Variants in ARHGAP24 observed in about 807,000 individuals in gnomAD.
ARHGAP24 encodes the protein rho GTPase-activating protein 24.
Under a neutral mutation model 76.4 loss-of-function variants are expected in ARHGAP24, and 50 were observed. The observed-to-expected ratio is 0.65, with a 90% CI of 0.52 to 0.83. ARHGAP24 has a LOEUF of 0.83. Ranked by LOEUF, ARHGAP24 falls within the 40% of genes least tolerant of loss-of-function variation. ARHGAP24 has a pLI of 0.00. For missense variants in ARHGAP24, 930 were observed against 914.2 expected (o/e 1.02, Z -0.22); for synonymous variants, 345 against 323.3 (o/e 1.07, Z -0.72).
intron 8 of ARHGAP24, among the ~76,000 whole-genome samples, chr4:85,978,265 G>A (rs1739451000): frequency 6.6e-6 from 1 of 152,124 alleles, no homozygotes; most frequent in African/African-American, 2.4e-5. Flanking sequence ...CTACAAACTG[G>A]ACTAATTTAT....
chr4:85,853,981 C>A (rs544908576), intron 3 of ARHGAP24, among the ~76,000 whole-genome samples: 9 of 128,474 alleles, frequency 7.0e-5, no homozygotes, highest in African/African-American at 2.3e-4. Flanking sequence ...AAAAAAAAAC[C>A]CCAATTAGCC....
chr4:85,607,436 G>GA (rs1720235005), intron 2 of ARHGAP24, among the ~76,000 whole-genome samples: 1 of 151,716 alleles, frequency 6.6e-6, no homozygotes, highest in Non-Finnish European at 1.5e-5. Context: ...GAAAGAGAAA[G>GA]AAAACCACAA....
chr4:85,848,261 G>A (rs1035855288), intron 3 of ARHGAP24, among the ~76,000 whole-genome samples: 7 of 152,094 alleles, frequency 4.6e-5, no homozygotes, highest in African/African-American at 1.7e-4. Context: ...ATATACATGT[G>A]CCATGTTGGT....
chr4:85,573,591 T>C (rs898203124), intron 2 of ARHGAP24, among the ~76,000 whole-genome samples: 4 of 152,232 alleles, frequency 2.6e-5, no homozygotes, highest in Non-Finnish European at 5.9e-5. Flanking sequence ...CCACATTAAA[T>C]AAGACCTGCA....
chr4:85,740,089 G>GGTTTT (rs1413154875), intron 3 of ARHGAP24, among the ~76,000 whole-genome samples: 2 of 152,008 alleles, frequency 1.3e-5, no homozygotes, highest in East Asian at 3.9e-4. Flanking sequence ...CATGCCTTTG[G>GGTTTT]GTTTTGTTTT....
At chr4:85,534,145 T>G (rs1725375346) in intron 1 of ARHGAP24, among the ~76,000 whole-genome samples, 1 of 152,292 alleles carries the variant, frequency 6.6e-6, no homozygotes, top group African/African-American at 2.4e-5. Context: ...TGGCTAAGTT[T>G]ACATCTCTAT....
At chr4:85,925,690 G>A (rs114432428) in intron 4 of ARHGAP24, among the ~76,000 whole-genome samples, 2,268 of 152,204 alleles carry the variant, frequency 0.015, 61 homozygotes, top group African/African-American at 0.051. Context: ...AGTTATGTAT[G>A]TATACGAAAA....
At chr4:85,881,656 A>G (rs936791457) in intron 3 of ARHGAP24, among the ~76,000 whole-genome samples, 1 of 152,058 alleles carries the variant, frequency 6.6e-6, no homozygotes, top group Non-Finnish European at 1.5e-5. Flanking sequence ...AAACCAACCC[A>G]CAGAGCTGGA....
At chr4:85,998,644 A>G (rs1202215946) in intron 9 of ARHGAP24, among the ~76,000 whole-genome samples, 1 of 151,994 alleles carries the variant, frequency 6.6e-6, no homozygotes, top group Non-Finnish European at 1.5e-5. Context: ...AATTTCTATA[A>G]TTATCATTTT....
chr4:85,669,831 A>G (rs1578127310), intron 2 of ARHGAP24, among the ~76,000 whole-genome samples: 1 of 151,926 alleles, frequency 6.6e-6, no homozygotes, highest in African/African-American at 2.4e-5. Context: ...TGAATCTACT[A>G]TAAAGTACAA....
At chr4:85,855,900 A>T (rs1426153061) in intron 3 of ARHGAP24, among the ~76,000 whole-genome samples, 2 of 152,210 alleles carry the variant, frequency 1.3e-5, no homozygotes, top group African/African-American at 4.8e-5. Flanking sequence ...TGCCCCATAT[A>T]AAATCAATTT....
intron 3 of ARHGAP24, among the ~76,000 whole-genome samples, chr4:85,902,226 C>T (rs999400371): frequency 2.0e-5 from 3 of 152,076 alleles, no homozygotes; most frequent in African/African-American, 7.2e-5. Flanking sequence ...GAACCCTATT[C>T]TTCATGGCAA....
intron 1 of ARHGAP24, among the ~76,000 whole-genome samples, chr4:85,478,113 AG>A (rs1444302533): frequency 1.3e-5 from 2 of 152,162 alleles, no homozygotes; most frequent in Non-Finnish European, 2.9e-5. Context: ...GGTGTGGAGG[AG>A]GTTGGTGATA....
intron 3 of ARHGAP24, among the ~76,000 whole-genome samples, chr4:85,866,007 G>A (rs1022580401): frequency 6.6e-6 from 1 of 152,110 alleles, no homozygotes; most frequent in African/African-American, 2.4e-5. Flanking sequence ...TGTGCTTAAT[G>A]TTTTCTGAGA....
At chr4:85,499,809 G>T (rs1368392917) in intron 1 of ARHGAP24, among the ~76,000 whole-genome samples, 1 of 152,174 alleles carries the variant, frequency 6.6e-6, no homozygotes, top group Non-Finnish European at 1.5e-5. Flanking sequence ...ATGCATTGAG[G>T]TTAGTATGAA....
intron 6 of ARHGAP24, among the ~76,000 whole-genome samples, chr4:85,974,304 C>T (rs1298989470): frequency 6.6e-6 from 1 of 152,164 alleles, no homozygotes; most frequent in African/African-American, 2.4e-5. Context: ...CTATCTGGAC[C>T]TTTATGGGCA....
chr4:85,727,936 G>T (rs181880131), intron 3 of ARHGAP24, among the ~76,000 whole-genome samples: 1 of 151,820 alleles, frequency 6.6e-6, no homozygotes, highest in East Asian at 1.9e-4. Context: ...GGAATGAAAA[G>T]TAGCCATGGA....
chr4:85,580,140 G>T (rs555045488), intron 2 of ARHGAP24, among the ~76,000 whole-genome samples: 1 of 146,712 alleles, frequency 6.8e-6, no homozygotes, highest in Non-Finnish European at 1.5e-5. Context: ...GTGTGGTGGG[G>T]GGGGAGGGTG....
chr4:85,662,103 C>T (rs1016068473), intron 2 of ARHGAP24, among the ~76,000 whole-genome samples: 17 of 152,188 alleles, frequency 1.1e-4, no homozygotes, highest in Admixed American at 7.8e-4. Flanking sequence ...CTGACTTCCA[C>T]AAGGGTTGAA....
Sources: allele counts gnomAD v4.1 joint callset (sites outside exome capture counted in the v4.1 genomes callset), GRCh38; gene constraint gnomAD v4.1.1; transcripts MANE v1.5; gene names NCBI Gene and HGNC (gene_info 2026-07-23, HGNC 2026-07-21).